CCDC7: variants seen among roughly 807,000 people sequenced by gnomAD.
The protein encoded by CCDC7 is coiled-coil domain-containing protein 7.
CCDC7 carries 183 observed loss-of-function variants against 196.9 expected under a neutral mutation model. The ratio of observed to expected loss-of-function variants is 0.93; its 90% confidence interval spans 0.82 to 1.05. The LOEUF is 1.05. CCDC7 is among the 50% of genes least tolerant of loss of function. The probability of loss-of-function intolerance (pLI) is 0.00; values close to 1 mark genes in which losing one functional copy is unlikely to be tolerated. For missense variants in CCDC7, 1,540 were observed against 1,482.2 expected, an observed-to-expected ratio of 1.04 and a Z score of -0.64; for synonymous variants, 525 against 484.6, an observed-to-expected ratio of 1.08 and a Z score of -1.10.
chr10:32,673,176 TG>T (rs1261113338), intron 21 of CCDC7, among the ~76,000 whole-genome samples: 3 of 152,186 alleles, frequency 2.0e-5, no homozygotes, highest in Non-Finnish European at 4.4e-5. Flanking sequence ...TACATATTTT[TG>T]ACTTACTATA....
At chr10:32,821,381 A>T (rs1458948407) in intron 31 of CCDC7, among the ~76,000 whole-genome samples, 1 of 152,186 alleles carries the variant, frequency 6.6e-6, no homozygotes, top group African/African-American at 2.4e-5. Context: ...AAACTAGTTC[A>T]ACCATTGTGG....
At chr10:32,711,582 T>C (rs751020329) in intron 24 of CCDC7, 38 bp from the exon 26 acceptor site, 4 of 1,269,336 alleles carry the variant, frequency 3.2e-6, no homozygotes, top group Admixed American at 2.4e-5. Context: ...AGTAGATTTG[T>C]TTTTCTAGTA....
chr10:32,540,149 T>C (rs971474101), intron 11 of CCDC7, among the ~76,000 whole-genome samples: 1 of 139,870 alleles, frequency 7.1e-6, no homozygotes, highest in Admixed American at 7.9e-5. Flanking sequence ...TGGGTCTAAG[T>C]CTCTTTGTAG....
At chr10:32,858,358 G>A (rs985459658) in intron 41 of CCDC7, among the ~76,000 whole-genome samples, 4 of 152,104 alleles carry the variant, frequency 2.6e-5, no homozygotes, top group African/African-American at 9.7e-5. Flanking sequence ...AAACTACAGA[G>A]CAATATCTCT....
chr10:32,678,902 C>T (rs1362773798), intron 21 of CCDC7, among the ~76,000 whole-genome samples: 3 of 152,118 alleles, frequency 2.0e-5, no homozygotes, highest in Non-Finnish European at 2.9e-5. Flanking sequence ...GTAATTTTAT[C>T]CTTGTCTGGT....
chr10:32,817,860 C>G (rs1200790174), intron 31 of CCDC7, among the ~76,000 whole-genome samples: 1 of 152,164 alleles, frequency 6.6e-6, no homozygotes, highest in African/African-American at 2.4e-5. Flanking sequence ...AAAGGAACAA[C>G]CGGTACCAGC....
At chr10:32,832,663 T>A (rs1011105623) in intron 32 of CCDC7, among the ~76,000 whole-genome samples, 1 of 152,094 alleles carries the variant, frequency 6.6e-6, no homozygotes, top group East Asian at 1.9e-4. Context: ...TCAGGCCGTG[T>A]TATTAAAAAA....
intron 24 of CCDC7, among the ~76,000 whole-genome samples, chr10:32,704,650 G>T (rs1038531195): frequency 1.3e-5 from 2 of 152,112 alleles, no homozygotes; most frequent in Non-Finnish European, 2.9e-5. Context: ...GCTGTGGTGG[G>T]CTCCACCCAG....
At chr10:32,484,876 G>C (rs1254777772) in intron 8 of CCDC7, among the ~76,000 whole-genome samples, 1 of 152,312 alleles carries the variant, frequency 6.6e-6, no homozygotes, top group Non-Finnish European at 1.5e-5. Context: ...TAAGCTTTTT[G>C]ATGTGCTGCT....
intron 28 of CCDC7, among the ~76,000 whole-genome samples, chr10:32,759,214 G>T (rs1407898410): frequency 6.6e-6 from 1 of 152,148 alleles, no homozygotes; most frequent in Non-Finnish European, 1.5e-5. Flanking sequence ...AGCTACCAAT[G>T]ACTTTCTTCA....
chr10:32,667,344 C>A lies in CCDC7; in HGVS notation c.2122+3183C>A, dbSNP rs1208185514. On this transcript the variant is annotated intron_variant, in intron 21 of 41. Coordinates refer to ENST00000639629, the Ensembl canonical transcript of CCDC7. ...TGCCTGTTCACTCTGATGGTAGTTT[C>A]TTTTGCTGTGCAGAAACTCTTCAGT... 5.3e-5 allele frequency among the ~76,000 whole-genome samples: 8 copies of A among 152,216 alleles called. No homozygotes were observed. In the South Asian group the frequency reaches 1.0e-3, roughly 20 times the overall value.
At chr10:32,706,245 G>A (rs1224605795) in intron 24 of CCDC7, among the ~76,000 whole-genome samples, 2 of 152,052 alleles carry the variant, frequency 1.3e-5, no homozygotes, top group Non-Finnish European at 2.9e-5. Context: ...AATGAAGGCA[G>A]AAATAAATAT....
chr10:32,586,757 A>G (rs2059321056), intron 18 of CCDC7, among the ~76,000 whole-genome samples: 2 of 152,140 alleles, frequency 1.3e-5, no homozygotes, highest in Admixed American at 6.5e-5. Flanking sequence ...TACCAGTACC[A>G]AGCTGTTTTG....
chr10:32,653,952 G>A (rs549050539), intron 20 of CCDC7, among the ~76,000 whole-genome samples: 2 of 152,236 alleles, frequency 1.3e-5, no homozygotes, highest in South Asian at 2.1e-4. Context: ...TGCCCATTAT[G>A]TGTATGTTGG....
intron 3 of CCDC7, among the ~76,000 whole-genome samples, chr10:32,456,784 A>G (rs2034441184): frequency 6.6e-6 from 1 of 152,150 alleles, no homozygotes; most frequent in South Asian, 2.1e-4. Flanking sequence ...AGTAAAATGT[A>G]AGACTACAGT....
chr10:32,788,163 A>C (rs114549592), intron 29 of CCDC7, among the ~76,000 whole-genome samples: 2,922 of 151,898 alleles, frequency 0.019, 96 homozygotes, highest in African/African-American at 0.067. Flanking sequence ...CACACCCCAG[A>C]CCGATCCCAG....
chr10:32,692,456 C>G (rs568071262), intron 23 of CCDC7, among the ~76,000 whole-genome samples: 1 of 152,284 alleles, frequency 6.6e-6, no homozygotes, highest in South Asian at 2.1e-4. Context: ...CTGGCACTTT[C>G]TAAGAGATGA....
chr10:32,822,213 G>A (rs1460355268), intron 31 of CCDC7, among the ~76,000 whole-genome samples: 1 of 152,104 alleles, frequency 6.6e-6, no homozygotes, highest in East Asian at 1.9e-4. Context: ...TGTTATAATT[G>A]CAAAAGAGAG....
At chr10:32,476,021 A>G (rs1254154181) in intron 8 of CCDC7, among the ~76,000 whole-genome samples, 1 of 152,216 alleles carries the variant, frequency 6.6e-6, no homozygotes, top group Non-Finnish European at 1.5e-5. Flanking sequence ...CATTAATGTG[A>G]TACATTTGTT....
Sources: gnomAD v4.1 joint callset for allele counts (sites outside exome capture counted in the v4.1 genomes callset) on GRCh38, gnomAD v4.1.1 for gene constraint, MANE v1.5 for transcripts, NCBI Gene and HGNC (gene_info 2026-07-23, HGNC 2026-07-21) for gene names.